Variants in PUM2 observed in about 807,000 individuals in gnomAD.
The protein encoded by PUM2 is pumilio homolog 2.
Under a neutral mutation model 124.5 loss-of-function variants are expected in PUM2, and 57 were observed. The ratio of observed to expected loss-of-function variants is 0.46; its 90% CI spans 0.37 to 0.57. The LOEUF (loss-of-function observed/expected upper bound fraction) is 0.57, where lower values mean the gene tolerates loss of function less well. Ranked by LOEUF, PUM2 falls within the 20% of genes least tolerant of loss-of-function variation. PUM2 has a pLI of 0.00. For missense variants in PUM2, 1,065 were observed against 1,290.6 expected, an observed-to-expected ratio of 0.83 and a Z score of 2.68; for synonymous variants, 460 against 446.1, an observed-to-expected ratio of 1.03 and a Z score of -0.39.
intron 14 of PUM2, among the ~76,000 whole-genome samples, chr2:20,262,979 T>C (rs1348149907): frequency 6.6e-6 from 1 of 152,200 alleles, no homozygotes; most frequent in Non-Finnish European, 1.5e-5. Flanking sequence ...CATAACAATA[T>C]TCTCACTGTA....
chr2:20,283,022 T>G lies in PUM2; in HGVS notation c.1645A>C (p.Thr549Pro). Residue 549 changes from threonine to proline, a missense_variant, in exon 12 of 21, where the codon ACA becomes CCA. This residue lies in a region of PUM2 where 968 missense variants were observed against 1,159.8 expected (regional missense o/e 0.83). Coordinates refer to ENST00000361078, the MANE Select transcript of PUM2 (RefSeq NM_015317.5). ...FSHGPGQPGS[T>P]SLGFGSGNSL... is the part of the protein sequence containing the mutation. Reference sequence around the variant, plus strand: ...TTACCACTTCCAAAGCCAAGAGATGTACTTCCAGGTTGACCAGGTCCATGA... The same window carrying G: ...TTACCACTTCCAAAGCCAAGAGATGGACTTCCAGGTTGACCAGGTCCATGA... 2 of 1,614,132 alleles carry G rather than the reference T, an allele frequency of 1.2e-6. No individual in the cohort carries two copies. Among genetic ancestry groups the G allele is most frequent in the Non-Finnish European group, 1.7e-6 (2 of 1,180,018 alleles).
intron 1 of PUM2, among the ~76,000 whole-genome samples, chr2:20,348,902 T>G (rs1218792465): frequency 1.3e-5 from 2 of 152,204 alleles, no homozygotes; most frequent in Admixed American, 1.3e-4. Flanking sequence ...TGCACTGCAG[T>G]CTGGGCGACA....
At chr2:20,333,504 C>T (rs536038253) in intron 1 of PUM2, among the ~76,000 whole-genome samples, 4 of 151,632 alleles carry the variant, frequency 2.6e-5, no homozygotes, top group Admixed American at 2.6e-4. Flanking sequence ...AAGACCCTGT[C>T]TCAAAAAAAG....
intron 14 of PUM2, among the ~76,000 whole-genome samples, chr2:20,262,745 T>C (rs1188363512): frequency 6.6e-6 from 1 of 152,254 alleles, no homozygotes; most frequent in Admixed American, 6.5e-5. Flanking sequence ...TGTATTACAT[T>C]CGTTTTAATG....
Position 20,251,553 on chromosome 2 carries a change from T to G in PUM2, c.*32A>C. On this transcript the variant is annotated 3_prime_UTR_variant, in exon 21 of 21. Coordinates refer to ENST00000361078, the MANE Select transcript of PUM2 (RefSeq NM_015317.5). ...ACACAAAAAAATTCTTTTCACATGG[T>G]TAAATTATCTTCTTTCTCTTGCTCC... 1 of 1,589,936 alleles carries G rather than the reference T, an allele frequency of 6.3e-7. No homozygotes were observed. The highest frequency in any genetic ancestry group is 8.6e-7 in the Non-Finnish European group (1 of 1,166,282).
At chr2:20,289,425 T>C (rs1673487550) in intron 10 of PUM2, among the ~76,000 whole-genome samples, 1 of 152,226 alleles carries the variant, frequency 6.6e-6, no homozygotes, top group African/African-American at 2.4e-5. Context: ...AACGTCCATG[T>C]GCCTAAAACA....
rs762150289 is a variant in PUM2 at position 20,254,843 on chromosome 2, A to ATTT, written c.2870+19_2870+20insAAA. On this transcript the variant is annotated intron_variant, in intron 19 of 20. Transcript: ENST00000361078. ...TGAGTTGAAAGAATTGACCCTTAAA[A>ATTT]TTACAAAGTATTACAATACCTGGCA... 2 of 1,606,356 alleles carry ATTT rather than the reference A, an allele frequency of 1.2e-6. No individual in the cohort carries two copies. Among genetic ancestry groups the ATTT allele is most frequent in the African/African-American group, 2.7e-5 (2 of 74,530 alleles).
rs1202972072 is a variant in PUM2, at chr2:20,250,002, T to C, written c.*1583A>G. 6.6e-6 allele frequency: 1 copy of C among 152,660 alleles called. No individual in the cohort carries two copies. Among genetic ancestry groups the C allele is most frequent in the Non-Finnish European group, 1.5e-5 (1 of 68,042 alleles). 9.5% of individuals were successfully genotyped at this position (152,660 alleles called of 1,614,324 possible). ...CTTATGTCCAGAGGAAAAAATGTTA[T>C]CATACAGATTTGCTCTTACTTGGGA... On this transcript the variant is annotated 3_prime_UTR_variant, in exon 21 of 21. Coordinates refer to ENST00000361078, the MANE Select transcript of PUM2 (RefSeq NM_015317.5).
chr2:20,267,286 A>G (rs536199053), intron 13 of PUM2, among the ~76,000 whole-genome samples: 83 of 152,208 alleles, frequency 5.5e-4, no homozygotes, highest in African/African-American at 2.0e-3. Context: ...TCAGCCTCCA[A>G]AAGTGCTGAG....
At chr2:20,324,039 TTAAGATAGAGA>T (rs1683075503) in intron 2 of PUM2, among the ~76,000 whole-genome samples, 2 of 151,996 alleles carry the variant, frequency 1.3e-5, no homozygotes, top group South Asian at 4.2e-4. Context: ...TAAGATAGAA[TTAAGATAGAGA>T]TTATCTAGAC....
intron 11 of PUM2, 45 bp downstream of exon 11, chr2:20,283,298 T>G: frequency 6.2e-7 from 1 of 1,609,482 alleles, no homozygotes; most frequent in Non-Finnish European, 8.5e-7. Flanking sequence ...AAATGGTATC[T>G]CAACACCAGA....
At chr2:20,319,291 T>TA in intron 2 of PUM2, among the ~76,000 whole-genome samples, 1 of 152,362 alleles carries the variant, frequency 6.6e-6, no homozygotes, top group African/African-American at 2.4e-5. Flanking sequence ...GGACAATTCT[T>TA]ATTCTTTAAT....
chr2:20,274,604 C>A (rs1669764385), intron 13 of PUM2, among the ~76,000 whole-genome samples: 1 of 151,960 alleles, frequency 6.6e-6, no homozygotes, highest in South Asian at 2.1e-4. Context: ...ACTTCATAGT[C>A]CCCTTTCAAT....
chr2:20,256,249 T>TA, intron 16 of PUM2, 79 bp from the exon 17 acceptor site: 1 of 1,280,310 alleles, frequency 7.8e-7, no homozygotes, highest in Non-Finnish European at 1.0e-6. Context: ...TATTAAAAAT[T>TA]AAAAATATTA....
intron 1 of PUM2, among the ~76,000 whole-genome samples, chr2:20,334,111 A>G (rs1294042043): frequency 6.6e-6 from 1 of 152,138 alleles, no homozygotes; most frequent in Non-Finnish European, 1.5e-5. Flanking sequence ...ACCCAGTCTC[A>G]GACATTTTTA....
chr2:20,319,636 G>A (rs1017837208), intron 2 of PUM2, among the ~76,000 whole-genome samples: 1 of 152,172 alleles, frequency 6.6e-6, no homozygotes, highest in Non-Finnish European at 1.5e-5. Context: ...GATAAGATGT[G>A]TGTGTTTGTG....
rs1313220228 is a variant in PUM2, at chr2:20,250,810, GACTTA to G, written c.*770_*774del. On this transcript the variant is annotated 3_prime_UTR_variant, in exon 21 of 21. Transcript: ENST00000361078. ...AAACCAAACTGAAAAGTTAATAAGT[GACTTA>G]ACTTTTCATTTAGTGCACTTAATTG... 9 of 152,482 alleles carry G rather than the reference GACTTA, an allele frequency of 5.9e-5. No homozygotes were observed. The highest frequency in any genetic ancestry group is 1.2e-4 in the African/African-American group (5 of 41,412). The allele number at this position is 152,482 out of a possible 1,614,324, so 9.4% of individuals were successfully genotyped here.
chr2:20,257,838 A>G (rs114528132), intron 16 of PUM2, among the ~76,000 whole-genome samples: 104 of 152,338 alleles, frequency 6.8e-4, no homozygotes, highest in African/African-American at 2.5e-3. Flanking sequence ...ATATTTTTAA[A>G]AAAAACATTT....
chr2:20,272,740 GAAGA>G (rs759310404), intron 13 of PUM2, among the ~76,000 whole-genome samples: 10 of 152,088 alleles, frequency 6.6e-5, no homozygotes. Flanking sequence ...AGACCAACTA[GAAGA>G]AAGCTGGTAT....
Sources: allele counts gnomAD v4.1 joint callset (sites outside exome capture counted in the v4.1 genomes callset), GRCh38; gene constraint gnomAD v4.1.1; regional missense constraint gnomAD v4.1.1; transcripts MANE v1.5; gene names NCBI Gene and HGNC (gene_info 2026-07-23, HGNC 2026-07-21).